The following SDK1 variants were observed in gnomAD, a reference collection of about 807,000 sequenced individuals.
The protein encoded by SDK1 is sidekick cell adhesion molecule 1, also known as protein sidekick-1.
In SDK1, 157 loss-of-function variants were observed where a neutral mutation model predicts 245.5. The observed-to-expected ratio is 0.64, with a 90% confidence interval of 0.56 to 0.73. The LOEUF (loss-of-function observed/expected upper bound fraction) is 0.73, where lower values mean the gene tolerates loss of function less well. SDK1 is among the 30% of genes least tolerant of loss of function. The pLI, the probability that SDK1 is intolerant of heterozygous loss-of-function variation, is 0.00. For synonymous variants in SDK1, 1,647 were observed against 1,278.5 expected (o/e 1.29, Z -6.15); for missense variants, 3,583 against 3,002.3 (o/e 1.19, Z -4.52).
chr7:3,571,502 G>T (rs1476217310), intron 1 of SDK1, among the ~76,000 whole-genome samples: 6 of 151,844 alleles, frequency 4.0e-5, no homozygotes, highest in African/African-American at 1.4e-4. Flanking sequence ...ACAGGGTCTT[G>T]CTGTGTTGCC....
At chr7:3,572,055 C>G (rs1024959201) in intron 1 of SDK1, among the ~76,000 whole-genome samples, 1 of 152,000 alleles carries the variant, frequency 6.6e-6, no homozygotes, top group Non-Finnish European at 1.5e-5. Flanking sequence ...GCCAAACAGT[C>G]AGTGAAAGGA....
rs572659449 is a variant in SDK1, at chr7:3,662,041, ATTTTTT to A, written c.713+19954_713+19959del. On this transcript the variant is annotated intron_variant, in intron 4 of 44. Transcript: ENST00000404826. ...AAATAGAGGAAGAGGCAACGGTTGT[ATTTTTT>A]TTTTTTTTTTTTTTTTTGGTGTTCC... Among the ~76,000 whole-genome samples the A allele has an allele frequency of 3.3e-3, 420 of 125,736 alleles. 2 individuals carry two copies. The highest frequency in any genetic ancestry group is 4.6e-3 in the African/African-American group (145 of 31,680). 82.5% of individuals were successfully genotyped at this position (125,736 alleles called of 152,430 possible).
At chr7:3,880,596 A>G (rs1255972968) in intron 5 of SDK1, among the ~76,000 whole-genome samples, 1 of 149,966 alleles carries the variant, frequency 6.7e-6, no homozygotes, top group African/African-American at 2.5e-5. Context: ...GTGAAAAACA[A>G]AATCCTTTCA....
chr7:4,179,777 C>T (rs768266043), intron 35 of SDK1, among the ~76,000 whole-genome samples: 11 of 151,910 alleles, frequency 7.2e-5, no homozygotes, highest in Non-Finnish European at 1.0e-4. Flanking sequence ...GGGTGGGTGC[C>T]ACTGCGGACG....
At chr7:4,247,926 G>A (rs1787001424) in intron 44 of SDK1, among the ~76,000 whole-genome samples, 1 of 152,158 alleles carries the variant, frequency 6.6e-6, no homozygotes, top group Non-Finnish European at 1.5e-5. Context: ...GAAGGGGAGG[G>A]AGGCATCCAG....
At chr7:3,449,173 G>A (rs190385165) in intron 1 of SDK1, among the ~76,000 whole-genome samples, 24 of 152,306 alleles carry the variant, frequency 1.6e-4, no homozygotes, top group Non-Finnish European at 2.6e-4. Flanking sequence ...TCCAAGTAAA[G>A]CTGTGTGTCA....
At chr7:3,506,258 G>A (rs7800962) in intron 1 of SDK1, among the ~76,000 whole-genome samples, 50,674 of 151,780 alleles carry the variant, frequency 0.33, 8,505 homozygotes, top group South Asian at 0.4. Context: ...GGATTCCAGG[G>A]TGATAGTTTT....
At chr7:3,659,755 G>A (rs954212730) in intron 4 of SDK1, among the ~76,000 whole-genome samples, 2 of 152,220 alleles carry the variant, frequency 1.3e-5, no homozygotes, top group Non-Finnish European at 2.9e-5. Context: ...GAGAGAATAC[G>A]TAGGAAGCTT....
intron 1 of SDK1, among the ~76,000 whole-genome samples, chr7:3,311,735 T>TATA (rs968913631): frequency 1.3e-5 from 2 of 152,220 alleles, no homozygotes; most frequent in African/African-American, 4.8e-5. Context: ...ACCACCCTGC[T>TATA]ATAAACACAC....
chr7:3,318,995 G>A (rs1258120332), intron 1 of SDK1, among the ~76,000 whole-genome samples: 1 of 152,002 alleles, frequency 6.6e-6, no homozygotes, highest in Admixed American at 6.6e-5. Context: ...TAGCAGTGTG[G>A]GCCTATCTGG....
chr7:4,206,366 G>T (rs1280937507), intron 36 of SDK1, among the ~76,000 whole-genome samples: 1 of 152,182 alleles, frequency 6.6e-6, no homozygotes, highest in African/African-American at 2.4e-5. Context: ...AGAACATGGG[G>T]CGCCTGGAAG....
chr7:3,744,707 G>T (rs1190163241), intron 4 of SDK1, among the ~76,000 whole-genome samples: 2 of 152,038 alleles, frequency 1.3e-5, no homozygotes, highest in African/African-American at 4.8e-5. Flanking sequence ...AGCTACTCGG[G>T]AGGCTGAGGC....
At chr7:3,880,635 A>C (rs1781185915) in intron 5 of SDK1, among the ~76,000 whole-genome samples, 1 of 145,224 alleles carries the variant, frequency 6.9e-6, no homozygotes, top group East Asian at 2.1e-4. Flanking sequence ...TAAATCCCAG[A>C]GGGCTGAGTG....
chr7:3,329,414 A>G (rs1239871078), intron 1 of SDK1, among the ~76,000 whole-genome samples: 1 of 152,162 alleles, frequency 6.6e-6, no homozygotes, highest in Non-Finnish European at 1.5e-5. Flanking sequence ...GAAAGTGTAC[A>G]ATTCAATAGT....
At chr7:4,135,000 G>T (rs1778966953) in intron 28 of SDK1, among the ~76,000 whole-genome samples, 1 of 152,190 alleles carries the variant, frequency 6.6e-6, no homozygotes, top group South Asian at 2.1e-4. Flanking sequence ...GATGTCCTCT[G>T]TAGCCCCGGG....
chr7:3,483,492 A>G (rs931472675), intron 1 of SDK1, among the ~76,000 whole-genome samples: 1 of 152,154 alleles, frequency 6.6e-6, no homozygotes, highest in South Asian at 2.1e-4. Context: ...GTGAATAATC[A>G]TATTGTTTGT....
chr7:3,401,038 C>T (rs560427777), intron 1 of SDK1, among the ~76,000 whole-genome samples: 40 of 152,242 alleles, frequency 2.6e-4, no homozygotes, highest in Middle Eastern at 3.4e-3. Flanking sequence ...ACTGCCTCTG[C>T]GTGGGTCCCT....
intron 17 of SDK1, among the ~76,000 whole-genome samples, chr7:4,036,338 G>C (rs999867351): frequency 6.6e-6 from 1 of 152,132 alleles, no homozygotes; most frequent in Non-Finnish European, 1.5e-5. Flanking sequence ...GAATGGTTTT[G>C]TGATCGTGTA....
At position 3,777,662 on chromosome 7, in the gene SDK1, A is replaced by C. The variant is rs527329473; in HGVS notation, c.714-43788A>C. 3.3e-5 allele frequency among the ~76,000 whole-genome samples: 5 copies of C among 152,278 alleles called. No homozygotes were observed. The South Asian group carries it at 1.0e-3, about 32-fold the overall frequency. On this transcript the variant is annotated intron_variant, in intron 4 of 44. Coordinates refer to ENST00000404826, the MANE Select transcript of SDK1 (RefSeq NM_152744.4). ...AGCTGTGAGTCCAGGGTGGGTATTCACATATTTTCGATTGACCACCAGCTT... is the reference window on the plus strand; with the variant it reads ...AGCTGTGAGTCCAGGGTGGGTATTCCCATATTTTCGATTGACCACCAGCTT...
Sources: gnomAD v4.1 joint callset for allele counts (sites outside exome capture counted in the v4.1 genomes callset) on GRCh38, gnomAD v4.1.1 for gene constraint, MANE v1.5 for transcripts, NCBI Gene and HGNC (gene_info 2026-07-23, HGNC 2026-07-21) for gene names.